Variants in PIGK observed in about 807,000 individuals in gnomAD.
PIGK encodes the protein phosphatidylinositol glycan anchor biosynthesis class K.
A neutral mutation model predicts 50.6 loss-of-function variants in PIGK; 42 were observed. The observed-to-expected ratio is 0.83, with a 90% CI of 0.65 to 1.07. The LOEUF is 1.07. PIGK is among the 50% of genes least tolerant of loss of function. The probability of loss-of-function intolerance (pLI) is 0.00; values close to 1 mark genes in which losing one functional copy is unlikely to be tolerated. For missense variants in PIGK, 448 were observed against 488.7 expected, an observed-to-expected ratio of 0.92 and a Z score of 0.78; for synonymous variants, 151 against 156.0, an observed-to-expected ratio of 0.97 and a Z score of 0.24.
At chr1:77,101,703 T>C (rs563466450) in intron 10 of PIGK, among the ~76,000 whole-genome samples, 51 of 152,238 alleles carry the variant, frequency 3.4e-4, no homozygotes, top group Non-Finnish European at 5.3e-4. Context: ...TGAGAAGTCA[T>C]AAATTAAAAA....
intron 10 of PIGK, among the ~76,000 whole-genome samples, chr1:77,109,185 G>C (rs1050958753): frequency 2.0e-5 from 3 of 152,190 alleles, no homozygotes; most frequent in African/African-American, 7.2e-5. Flanking sequence ...GAGGTACAAG[G>C]AGGAGCTGGT....
intron 10 of PIGK, among the ~76,000 whole-genome samples, chr1:77,099,470 T>C (rs1389331747): frequency 1.3e-5 from 2 of 152,166 alleles, no homozygotes; most frequent in Admixed American, 1.3e-4. Context: ...AGAATCTTCA[T>C]ATATTCCTTT....
chr1:77,188,790 C>T (rs1418691370), intron 3 of PIGK, among the ~76,000 whole-genome samples: 1 of 152,130 alleles, frequency 6.6e-6, no homozygotes, highest in Admixed American at 6.5e-5. Context: ...CTTTATTTCT[C>T]AAGCCGGCCG....
chr1:77,218,913 C>A (rs1410435406), intron 1 of PIGK, among the ~76,000 whole-genome samples: 2 of 152,078 alleles, frequency 1.3e-5, no homozygotes, highest in African/African-American at 4.8e-5. Flanking sequence ...TCACTAAATT[C>A]TATTATCTGG....
At chr1:77,213,238 T>C (rs568850741) in intron 1 of PIGK, among the ~76,000 whole-genome samples, 4 of 152,312 alleles carry the variant, frequency 2.6e-5, no homozygotes, top group African/African-American at 9.6e-5. Context: ...AGGACATTTC[T>C]TCCAACAATG....
At chr1:77,151,815 C>A (rs1242018340) in intron 9 of PIGK, among the ~76,000 whole-genome samples, 1 of 152,050 alleles carries the variant, frequency 6.6e-6, no homozygotes, top group Non-Finnish European at 1.5e-5. Context: ...GGAAAAACTA[C>A]ACAAACCTGA....
intron 9 of PIGK, among the ~76,000 whole-genome samples, chr1:77,134,373 T>A (rs1654451465): frequency 6.6e-6 from 1 of 152,254 alleles, no homozygotes; most frequent in Admixed American, 6.5e-5. Context: ...CTTAGTAATT[T>A]AGTTTCCCTT....
chr1:77,141,298 T>C (rs911746747), intron 9 of PIGK, among the ~76,000 whole-genome samples: 20 of 152,252 alleles, frequency 1.3e-4, no homozygotes, highest in African/African-American at 4.8e-4. Context: ...TCCTAAGAAC[T>C]CTTATATTTC....
intron 9 of PIGK, among the ~76,000 whole-genome samples, chr1:77,125,012 AAAAATT>A (rs1216761564): frequency 6.6e-6 from 1 of 152,206 alleles, no homozygotes; most frequent in Admixed American, 6.5e-5. Flanking sequence ...CTGAAAAAAT[AAAAATT>A]AAATCACTGA....
intron 10 of PIGK, among the ~76,000 whole-genome samples, chr1:77,121,156 AT>A (rs1232281119): frequency 6.6e-6 from 1 of 152,192 alleles, no homozygotes; most frequent in African/African-American, 2.4e-5. Context: ...TTAAGAACAT[AT>A]TGACTTGCTG....
intron 9 of PIGK, among the ~76,000 whole-genome samples, chr1:77,127,196 T>A (rs1009541969): frequency 1.3e-5 from 2 of 152,190 alleles, no homozygotes; most frequent in African/African-American, 4.8e-5. Flanking sequence ...ATGAAGTTAG[T>A]CTTTACAATC....
chr1:77,199,400 G>A (rs1038968620), intron 3 of PIGK, among the ~76,000 whole-genome samples: 11 of 151,956 alleles, frequency 7.2e-5, no homozygotes, highest in African/African-American at 2.4e-4. Context: ...AAACTGTTGA[G>A]AAGTGATAGG....
chr1:77,117,038 T>C (rs1653990622), intron 10 of PIGK, among the ~76,000 whole-genome samples: 1 of 152,218 alleles, frequency 6.6e-6, no homozygotes, highest in South Asian at 2.1e-4. Flanking sequence ...TTAGATAATT[T>C]GCCACCATTC....
In PIGK at chr1:77,091,927, G is replaced by T. The variant is rs970694422; in HGVS notation, c.*447C>A. 1 of 152,458 alleles carries T rather than the reference G, an allele frequency of 6.6e-6. No homozygotes were observed. The allele number at this position is 152,458 out of a possible 1,614,324, so 9.4% of individuals were successfully genotyped here. ...GATAATACATTGTAAAATGAAAAAA[G>T]ACATTACAAAATAGTACATTCCATA... is the stretch of plus-strand genomic sequence containing the variant. On this transcript the variant is annotated 3_prime_UTR_variant, in exon 11 of 11. Transcript: ENST00000370812.
chr1:77,147,900 T>C (rs1654806322), intron 9 of PIGK, among the ~76,000 whole-genome samples: 1 of 152,216 alleles, frequency 6.6e-6, no homozygotes, highest in African/African-American at 2.4e-5. Context: ...AGAAGACACA[T>C]AAAAACAATT....
chr1:77,133,609 A>G (rs1478571475), intron 9 of PIGK, among the ~76,000 whole-genome samples: 1 of 152,204 alleles, frequency 6.6e-6, no homozygotes, highest in African/African-American at 2.4e-5. Context: ...TCCACTTAAG[A>G]AGGTCCATGT....
intron 3 of PIGK, among the ~76,000 whole-genome samples, chr1:77,177,002 G>T (rs1294659426): frequency 6.6e-6 from 1 of 152,134 alleles, no homozygotes; most frequent in African/African-American, 2.4e-5. Flanking sequence ...AACAATCAAA[G>T]CTTCAGCTCC....
At position 77,161,383 on chromosome 1, in the gene PIGK, C is replaced by G. The variant is rs755424903; in HGVS notation, c.725G>C (p.Gly242Ala). The change falls in exon 8 of 11, where the codon GGA becomes GCA. Residue 242 changes from glycine to alanine, a missense_variant. Physicochemically the swap from Gly to Ala is moderately conservative, Grantham distance 60 (BLOSUM62 0). Transcript: ENST00000370812. The stretch of plus-strand genomic sequence containing the variant: ...TGTGTATCTATCCATAAGATGGACT[C>G]CAATTGCAGGATCAGGTTGATGCTA... ...SLSHQPDPAI[G>A]VHLMDRYTFY... 1.1e-5 allele frequency: 17 copies of G among 1,594,974 alleles called. No homozygotes were observed. The highest frequency in any genetic ancestry group is 1.5e-5 in the Non-Finnish European group (17 of 1,162,804).
At chr1:77,129,109 T>C (rs1654298196) in intron 9 of PIGK, 4 of 978,698 alleles carry the variant, frequency 4.1e-6, no homozygotes, top group Non-Finnish European at 6.7e-6. Context: ...AGGTAATCTG[T>C]GAAAATGGTT....
Sources: gnomAD v4.1 joint callset for allele counts (sites outside exome capture counted in the v4.1 genomes callset) on GRCh38, gnomAD v4.1.1 for gene constraint, MANE v1.5 for transcripts, NCBI Gene and HGNC (gene_info 2026-07-23, HGNC 2026-07-21) for gene names.